LRRC8E: variants seen among roughly 807,000 people sequenced by gnomAD.
The protein encoded by LRRC8E is leucine rich repeat containing 8 VRAC subunit E, also known as volume-regulated anion channel subunit LRRC8E.
A neutral mutation model predicts 6.1 loss-of-function variants in LRRC8E; 6 were observed. The observed-to-expected ratio is 0.98, with a 90% CI of 0.54 to 1.93. The LOEUF is 1.93. Among genes scored for constraint, LRRC8E ranks in the 30% most tolerant of loss-of-function variants. The probability of loss-of-function intolerance (pLI) is 0.01; values close to 1 mark genes in which losing one functional copy is unlikely to be tolerated. For missense variants in LRRC8E, 1,028 were observed against 1,031.4 expected (o/e 1.00, Z 0.04); for synonymous variants, 485 against 472.8 (o/e 1.03, Z -0.33).
At chr19:7,893,999 G>C (rs1454557857) in intron 1 of LRRC8E, 1 of 152,238 alleles carries the variant, frequency 6.6e-6, no homozygotes, top group Non-Finnish European at 1.5e-5. Context: ...GGTGGAGCCT[G>C]TATCCTACCT....
chr19:7,896,391 C>T (rs935135901), intron 2 of LRRC8E, among the ~76,000 whole-genome samples: 6 of 150,048 alleles, frequency 4.0e-5, no homozygotes, highest in South Asian at 2.1e-4. Flanking sequence ...CTGGCCAACA[C>T]GGTGAAAACC....
In LRRC8E at chr19:7,895,520, G is replaced by A. The variant is rs939186643; in HGVS notation, c.-5-79G>A. 3.4e-5 allele frequency: 53 copies of A among 1,549,258 alleles called. 1 individual carries two copies. In the African/African-American group the frequency reaches 3.7e-4, roughly 11 times the overall value. On this transcript the variant is annotated intron_variant, in intron 1 of 2. Coordinates refer to ENST00000306708, the MANE Select transcript of LRRC8E (RefSeq NM_025061.6). The surrounding 1 kb of genome is among the most constrained non-coding windows in gnomAD (Gnocchi z 4.7). The stretch of plus-strand genomic sequence containing the variant: ...GAGGGTCACAGGCCTGCCTGTGTCC[G>A]GCTCCTCGGAGGACCCCCTGCAGAG...
intron 1 of LRRC8E, among the ~76,000 whole-genome samples, chr19:7,891,138 CCT>C (rs1314198258): frequency 2.8e-4 from 42 of 152,300 alleles, no homozygotes; most frequent in African/African-American, 9.9e-4. Flanking sequence ...ATTTCTCTCC[CCT>C]GAGTCTGGAA....
At chr19:7,897,173 TTTTTC>T (rs1201930184) in intron 2 of LRRC8E, among the ~76,000 whole-genome samples, 6 of 58,174 alleles carry the variant, frequency 1.0e-4, no homozygotes, top group African/African-American at 4.3e-4. Context: ...TTTCTTTTTC[TTTTTC>T]TTTTTTTTTT....
chr19:7,899,931 C>A lies in LRRC8E; in HGVS notation c.1409C>A (p.Ser470Ter), dbSNP rs1459357158. Residue 470 changes from serine (S) to a stop codon, truncating the protein, a stop_gained, in exon 3 of 3, where the codon TCG (serine) becomes TAG (stop). Transcript: ENST00000306708. LOFTEE classifies it low-confidence loss of function (END_TRUNC). ...TTGCAGGAGCTCAGCTTGCTCCACTCGCCCGCCAGGCTACCCTTCTCCTTG... is the reference window on the plus strand; with the variant it reads ...TTGCAGGAGCTCAGCTTGCTCCACTAGCCCGCCAGGCTACCCTTCTCCTTG... Reference protein sequence around the residue: ...VHLQELSLLHSPARLPFSLQV... With the variant: ...VHLQELSLLH 2 of 1,608,656 alleles carry A rather than the reference C, an allele frequency of 1.2e-6. No homozygotes were observed. Among genetic ancestry groups the A allele is most frequent in the Admixed American group, 3.3e-5 (2 of 60,022 alleles).
intron 1 of LRRC8E, among the ~76,000 whole-genome samples, chr19:7,889,852 C>T (rs1981214457): frequency 6.6e-6 from 1 of 151,392 alleles, no homozygotes; most frequent in Admixed American, 6.6e-5. Flanking sequence ...CAGGTTCAAG[C>T]GATTCTCCTG....
In LRRC8E at chr19:7,898,716, C is replaced by T; in HGVS notation, c.194C>T (p.Ser65Leu). 2.5e-6 allele frequency: 4 copies of T among 1,613,702 alleles called. No homozygotes were observed. The highest frequency in any genetic ancestry group is 3.4e-6 in the Non-Finnish European group (4 of 1,179,764). ...LPNHELQENL[S>L]EAPCQQLLPR... ...AATCATGAGCTCCAGGAGAACTTAT[C>T]AGAGGCCCCGTGCCAGCAATTGCTG... The change falls in exon 3 of 3, where the codon TCA (serine) becomes TTA (leucine). Residue 65 changes from serine to leucine, a missense_variant. Ser to Leu is a moderately radical substitution (Grantham distance 145). Transcript: ENST00000306708.
At position 7,899,571 on chromosome 19, in the gene LRRC8E, A is replaced by C. The variant is rs1431381992; in HGVS notation, c.1049A>C (p.Glu350Ala). The change falls in exon 3 of 3, where the codon GAG becomes GCG. Residue 350 changes from glutamate (E) to alanine (A), a missense_variant. By Grantham distance (107) the Glu-to-Ala change is moderately radical. Transcript: ENST00000306708. ...KEYSFRSVRE[E>A]TGMGDIPDVK... is the part of the protein sequence containing the mutation. Reference sequence around the variant, plus strand: ...TACTCCTTCCGTTCCGTGCGGGAGGAGACTGGCATGGGGGACATTCCTGAC... The same window carrying C: ...TACTCCTTCCGTTCCGTGCGGGAGGCGACTGGCATGGGGGACATTCCTGAC... 1 of 1,613,578 alleles carries C rather than the reference A, an allele frequency of 6.2e-7. No homozygotes were observed. The highest frequency in any genetic ancestry group is 8.5e-7 in the Non-Finnish European group (1 of 1,179,976).
Position 7,899,484 on chromosome 19 carries a change from G to T in LRRC8E, c.962G>T (p.Cys321Phe), listed in dbSNP as rs1243277770. ...GCCTTCTGTTACATCTCCTTTGTGT[G>T]CATCTACGGACTTACCTGCATCTAC... The part of the protein sequence containing the change: ...KLAFCYISFV[C>F]IYGLTCIYTL... Residue 321 changes from cysteine (C) to phenylalanine (F), a missense_variant, in exon 3 of 3, where the codon TGC (cysteine) becomes TTC (phenylalanine). By Grantham distance (205) the Cys-to-Phe change is radical. Transcript: ENST00000306708. The T allele has an allele frequency of 1.2e-6, 2 of 1,613,454 alleles. No individual in the cohort carries two copies. The highest frequency in any genetic ancestry group is 2.2e-5 in the South Asian group (2 of 91,032).
rs759969369 is a variant in LRRC8E at position 7,900,011 on chromosome 19, C to T, written c.1489C>T (p.Arg497Cys). 1.7e-5 allele frequency: 28 copies of T among 1,609,266 alleles called. No homozygotes were observed. The highest frequency in any genetic ancestry group is 2.2e-5 in the Non-Finnish European group (26 of 1,179,272). Residue 497 changes from arginine to cysteine, a missense_variant, in exon 3 of 3, where the codon CGC becomes TGC. Coordinates refer to ENST00000306708, the MANE Select transcript of LRRC8E (RefSeq NM_025061.6). The surrounding 1 kb of genome is among the most constrained non-coding windows in gnomAD (Gnocchi z 5.0). The stretch of plus-strand genomic sequence containing the variant: ...GATGCGCGTCAAATGCGAGGAGCTC[C>T]GCGAGGTGCCGCTTTGGGTGTTTGG... ...KVMRVKCEEL[R>C]EVPLWVFGLR... is the part of the protein sequence containing the mutation.
chr19:7,899,955 T>C lies in LRRC8E; in HGVS notation c.1433T>C (p.Leu478Ser), dbSNP rs1219533704. ...LHSPARLPFS[L>S]QVFLRDHLKV... ...TCGCCCGCCAGGCTACCCTTCTCCT[T>C]GCAGGTCTTCCTGCGGGACCACCTG... The change falls in exon 3 of 3, where the codon TTG becomes TCG. Residue 478 changes from leucine to serine, a missense_variant. Coordinates refer to ENST00000306708, the MANE Select transcript of LRRC8E (RefSeq NM_025061.6). 2 of 1,609,442 alleles carry C rather than the reference T, an allele frequency of 1.2e-6. No individual in the cohort carries two copies. Among genetic ancestry groups the C allele is most frequent in the Admixed American group, 1.7e-5 (1 of 59,980 alleles).
Position 7,900,362 on chromosome 19 carries a change from G to A in LRRC8E, c.1840G>A (p.Asp614Asn). 1.2e-6 allele frequency: 2 copies of A among 1,613,042 alleles called. No individual in the cohort carries two copies. Among genetic ancestry groups the A allele is most frequent in the Non-Finnish European group, 1.7e-6 (2 of 1,179,894 alleles). Residue 614 changes from aspartate (D) to asparagine (N), a missense_variant, in exon 3 of 3, where the codon GAC becomes AAC. Transcript: ENST00000306708. This position sits in a 1 kb window ranked among gnomAD's most constrained non-coding sequence, Gnocchi z 5.0. ...LGALQELDLK[D>N]NHLRSIEEIL... ...TGCGCTGCAGGAACTTGACCTCAAG[G>A]ACAACCACCTGCGCTCCATCGAGGA... is the stretch of plus-strand genomic sequence containing the variant.
intron 1 of LRRC8E, among the ~76,000 whole-genome samples, chr19:7,893,060 G>A (rs1460971525): frequency 2.6e-5 from 4 of 152,172 alleles, no homozygotes; most frequent in Admixed American, 2.6e-4. Context: ...GGGCTAGAGT[G>A]CAGTGGCGCA....
rs749110590 is a variant in LRRC8E at position 7,900,794 on chromosome 19, G to A, written c.2272G>A (p.Glu758Lys). The A allele has an allele frequency of 5.6e-6, 9 of 1,603,304 alleles. No individual in the cohort carries two copies. Among genetic ancestry groups the A allele is most frequent in the Non-Finnish European group, 7.7e-6 (9 of 1,173,730 alleles). Residue 758 changes from glutamate (E) to lysine (K), a missense_variant, in exon 3 of 3, where the codon GAG becomes AAG. Physicochemically the swap from Glu to Lys is moderately conservative, Grantham distance 56. Coordinates refer to ENST00000306708, the MANE Select transcript of LRRC8E (RefSeq NM_025061.6). The surrounding 1 kb of genome is among the most constrained non-coding windows in gnomAD (Gnocchi z 5.0). ...SRLELKGNRL[E>K]ALPEELGNCG... ...CCTGGAGCTCAAAGGCAACCGCTTA[G>A]AGGCGCTGCCAGAAGAACTTGGCAA...
Position 7,895,888 on chromosome 19 carries a change from T to G in LRRC8E, c.138+147T>G. On this transcript the variant is annotated intron_variant, in intron 2 of 2. Coordinates refer to ENST00000306708, the MANE Select transcript of LRRC8E (RefSeq NM_025061.6). This position sits in a 1 kb window ranked among gnomAD's most constrained non-coding sequence, Gnocchi z 4.7. ...GCCAATCCAGACCCCTTATCTTCCTTACCTCCATAGCCAGGAGCACCGGAG... is the reference window on the plus strand; with the variant it reads ...GCCAATCCAGACCCCTTATCTTCCTGACCTCCATAGCCAGGAGCACCGGAG... 1.1e-6 allele frequency: 1 copy of G among 949,458 alleles called. No homozygotes were observed. The highest frequency in any genetic ancestry group is 1.5e-6 in the Non-Finnish European group (1 of 645,960). The allele number at this position is 949,458 out of a possible 1,614,324, so 58.8% of individuals were successfully genotyped here. A position where few individuals can be genotyped will look rare whatever the true frequency, so the allele number is the denominator to read the frequency against.
chr19:7,895,596 C>T lies in LRRC8E; in HGVS notation c.-5-3C>T. The stretch of plus-strand genomic sequence containing the variant: ...ACACCCCCCGTCTCGTCCCGTCCCA[C>T]AGGCAGCATGATCCCAGTGGCCGAG... On this transcript the variant is annotated splice_region_variant and splice_polypyrimidine_tract_variant and intron_variant, in intron 1 of 2. Coordinates refer to ENST00000306708, the MANE Select transcript of LRRC8E (RefSeq NM_025061.6). This position sits in a 1 kb window ranked among gnomAD's most constrained non-coding sequence, Gnocchi z 4.7. 6.2e-7 allele frequency: 1 copy of T among 1,611,610 alleles called. No individual in the cohort carries two copies. The highest frequency in any genetic ancestry group is 8.5e-7 in the Non-Finnish European group (1 of 1,177,860).
Position 7,899,945 on chromosome 19 carries a change from C to A in LRRC8E, c.1423C>A (p.Pro475Thr). ...LSLLHSPARLPFSLQVFLRDH... is the reference protein window; with the variant it reads ...LSLLHSPARLTFSLQVFLRDH... ...CTTGCTCCACTCGCCCGCCAGGCTA[C>A]CCTTCTCCTTGCAGGTCTTCCTGCG... The change falls in exon 3 of 3, where the codon CCC becomes ACC. Residue 475 changes from proline (P) to threonine (T), a missense_variant. Physicochemically the swap from Pro to Thr is conservative, Grantham distance 38. Transcript: ENST00000306708. 6.2e-7 allele frequency: 1 copy of A among 1,609,242 alleles called. No individual in the cohort carries two copies. Among genetic ancestry groups the A allele is most frequent in the African/African-American group, 1.3e-5 (1 of 75,072 alleles).
chr19:7,894,263 T>A (rs2145100091), intron 1 of LRRC8E, among the ~76,000 whole-genome samples: 1 of 152,310 alleles, frequency 6.6e-6, no homozygotes, highest in African/African-American at 2.4e-5. Context: ...TCTCACTCTG[T>A]CACCCAGGCT....
chr19:7,895,685 G>A lies in LRRC8E; in HGVS notation c.82G>A (p.Ala28Thr), dbSNP rs1981546755. The A allele has an allele frequency of 2.5e-6, 4 of 1,614,134 alleles. No individual in the cohort carries two copies. The highest frequency in any genetic ancestry group is 3.4e-6 in the Non-Finnish European group (4 of 1,179,988). Residue 28 changes from alanine to threonine, a missense_variant, in exon 2 of 3, where the codon GCC becomes ACC. By Grantham distance (58) the Ala-to-Thr change is moderately conservative. Transcript: ENST00000306708. The surrounding 1 kb of genome is among the most constrained non-coding windows in gnomAD (Gnocchi z 4.7). ...KVLKPWWDVL[A>T]EYLTVAMLMI... ...GCTCAAACCCTGGTGGGACGTGCTG[G>A]CCGAGTACCTCACCGTGGCCATGCT...
Sources: allele counts gnomAD v4.1 joint callset (sites outside exome capture counted in the v4.1 genomes callset), GRCh38; gene constraint gnomAD v4.1.1; non-coding constraint Gnocchi (gnomAD v3.1); transcripts MANE v1.5; gene names NCBI Gene and HGNC (gene_info 2026-07-23, HGNC 2026-07-21).